GPHN: variants seen among roughly 807,000 people sequenced by gnomAD.
GPHN encodes the protein gephyrin.
Under a neutral mutation model 95.5 loss-of-function variants are expected in GPHN, and 17 were observed. That is an observed-to-expected ratio of 0.18 (90% CI 0.12 to 0.27). The LOEUF is 0.27. GPHN is among the 10% of genes least tolerant of loss of function. The probability of loss-of-function intolerance (pLI) is 1.00; values close to 1 mark genes in which losing one functional copy is unlikely to be tolerated. For synonymous variants in GPHN, 320 were observed against 322.5 expected (o/e 0.99, Z 0.08); for missense variants, 660 against 978.1 (o/e 0.67, Z 4.34).
chr14:67,557,514 C>G, the GPHN span: 5 of 1,148,744 alleles, frequency 4.4e-6, no homozygotes, highest in South Asian at 7.4e-5. Flanking sequence ...CCCTCTAGTG[C>G]TGGGGAACTC....
chr14:66,929,557 T>G (rs2066667039), intron 8 of GPHN, among the ~76,000 whole-genome samples: 1 of 152,164 alleles, frequency 6.6e-6, no homozygotes, highest in Non-Finnish European at 1.5e-5. Flanking sequence ...TCCTTTATCA[T>G]TATAAAATGA....
chr14:67,022,781 T>C (rs1212390246), intron 9 of GPHN, among the ~76,000 whole-genome samples: 1 of 151,844 alleles, frequency 6.6e-6, no homozygotes, highest in East Asian at 1.9e-4. Flanking sequence ...TTGTTGTGTA[T>C]ATATCCATTT....
intron 1 of GPHN, among the ~76,000 whole-genome samples, chr14:66,552,376 C>T (rs1398141738): frequency 1.3e-5 from 2 of 152,154 alleles, no homozygotes; most frequent in African/African-American, 4.8e-5. Context: ...ATTTTTAAAT[C>T]ACATTTTAAA....
At chr14:67,376,867 C>T in the GPHN span, among the ~76,000 whole-genome samples, 8 of 152,196 alleles carry the variant, frequency 5.3e-5, no homozygotes, top group Non-Finnish European at 8.8e-5. Flanking sequence ...TCACCAAAAA[C>T]TATAACCTCT....
At chr14:67,160,929 T>A (rs2081938034) in intron 19 of GPHN, among the ~76,000 whole-genome samples, 1 of 152,248 alleles carries the variant, frequency 6.6e-6, no homozygotes, top group African/African-American at 2.4e-5. Flanking sequence ...TGGCTTTGTA[T>A]TTCTGTAGTT....
At chr14:66,992,074 AGAAAG>A (rs1367177126) in intron 9 of GPHN, among the ~76,000 whole-genome samples, 3 of 152,060 alleles carry the variant, frequency 2.0e-5, no homozygotes, top group East Asian at 1.9e-4. Context: ...TTAAAAGAAA[AGAAAG>A]GAAAGGAATG....
chr14:67,253,934 T>C, the GPHN span, among the ~76,000 whole-genome samples: 1 of 151,504 alleles, frequency 6.6e-6, no homozygotes, highest in African/African-American at 2.4e-5. Flanking sequence ...TTTACTGATA[T>C]CAGTGTGTTT....
chr14:66,957,789 C>T (rs1195043983), intron 8 of GPHN, among the ~76,000 whole-genome samples: 5 of 152,092 alleles, frequency 3.3e-5, no homozygotes, highest in Non-Finnish European at 5.9e-5. Flanking sequence ...GGAAGCGGTC[C>T]GCACAGTGGG....
At chr14:67,262,968 C>G in the GPHN span, among the ~76,000 whole-genome samples, 23,553 of 151,974 alleles carry the variant, frequency 0.15, 3,444 homozygotes, top group East Asian at 0.42. Flanking sequence ...TTAAAAAAAA[C>G]TTTGCTAGCC....
At chr14:66,813,254 G>C (rs947029965) in intron 3 of GPHN, among the ~76,000 whole-genome samples, 6 of 152,118 alleles carry the variant, frequency 3.9e-5, no homozygotes, top group African/African-American at 1.4e-4. Flanking sequence ...AACACTAAAA[G>C]AATGGTTTGC....
At chr14:66,664,454 A>G (rs1287976438) in intron 1 of GPHN, among the ~76,000 whole-genome samples, 3 of 152,242 alleles carry the variant, frequency 2.0e-5, no homozygotes, top group Non-Finnish European at 2.9e-5. Context: ...GATACAATGT[A>G]CCAGATTCTC....
At chr14:67,410,980 C>T in the GPHN span, among the ~76,000 whole-genome samples, 3 of 151,656 alleles carry the variant, frequency 2.0e-5, no homozygotes, top group Non-Finnish European at 4.4e-5. Context: ...ACCCTGTCTC[C>T]ACAAAAAAAT....
chr14:66,995,321 CT>C (rs1003903449), intron 9 of GPHN, among the ~76,000 whole-genome samples: 3 of 152,116 alleles, frequency 2.0e-5, no homozygotes, highest in African/African-American at 7.2e-5. Context: ...GATAAAATAG[CT>C]GTTCCAAAAA....
chr14:66,566,850 T>G (rs756173952), intron 1 of GPHN, among the ~76,000 whole-genome samples: 1 of 152,208 alleles, frequency 6.6e-6, no homozygotes, highest in Non-Finnish European at 1.5e-5. Flanking sequence ...TTGGGACTTA[T>G]CAGAGAGTTA....
chr14:67,195,960 T>G, the GPHN span, among the ~76,000 whole-genome samples: 1 of 152,082 alleles, frequency 6.6e-6, no homozygotes, highest in South Asian at 2.1e-4. Context: ...AATTTTTGTG[T>G]TTTTTAGTAG....
At chr14:67,247,385 C>G in the GPHN span, among the ~76,000 whole-genome samples, 1 of 152,158 alleles carries the variant, frequency 6.6e-6, no homozygotes, top group African/African-American at 2.4e-5. Flanking sequence ...CTGCTAAACT[C>G]CCTTATTAGC....
In GPHN at chr14:67,067,450, C is replaced by T. The variant is rs191231709; in HGVS notation, c.1144+8664C>T. Among the ~76,000 whole-genome samples, 684 of 152,256 alleles carry T rather than the reference C, an allele frequency of 4.5e-3. 4 individuals carry two copies. Among genetic ancestry groups the T allele is most frequent in the Middle Eastern group, 0.017 (5 of 294 alleles). On this transcript the variant is annotated intron_variant, in intron 11 of 22. Coordinates refer to ENST00000478722, the MANE Select transcript of GPHN (RefSeq NM_020806.5). ...ATGCAGTCTGTCCATTCTCAGAGCT[C>T]AAACGACGTGCTGGTAGAACCACTG...
At chr14:67,706,575 C>T in the GPHN span, among the ~76,000 whole-genome samples, 10 of 152,190 alleles carry the variant, frequency 6.6e-5, no homozygotes, top group Non-Finnish European at 1.0e-4. Flanking sequence ...GAGACACAAA[C>T]AGGGGCATTC....
At chr14:67,681,081 T>G in the GPHN span, among the ~76,000 whole-genome samples, 1 of 152,246 alleles carries the variant, frequency 6.6e-6, no homozygotes, top group Admixed American at 6.5e-5. Context: ...AGAGGGCCTT[T>G]AAGGAGGTAA....
Sources: allele counts gnomAD v4.1 joint callset (sites outside exome capture counted in the v4.1 genomes callset), GRCh38; gene constraint gnomAD v4.1.1; transcripts MANE v1.5; gene names NCBI Gene and HGNC (gene_info 2026-07-23, HGNC 2026-07-21).